NUP153: variants seen among roughly 807,000 people sequenced by gnomAD.
NUP153 encodes the protein nucleoporin 153, also known as nuclear pore complex protein Nup153.
In NUP153, 27 loss-of-function variants were observed where a neutral mutation model predicts 134.6. The observed-to-expected ratio is 0.20, with a 90% CI of 0.15 to 0.28. NUP153 has a LOEUF of 0.28. Ranked by LOEUF, NUP153 falls within the 10% of genes least tolerant of loss-of-function variation. The pLI, the probability that NUP153 is intolerant of heterozygous loss-of-function variation, is 1.00. For synonymous variants in NUP153, 640 were observed against 623.5 expected (o/e 1.03, Z -0.40); for missense variants, 1,821 against 1,731.3 (o/e 1.05, Z -0.92).
intron 1 of NUP153, among the ~76,000 whole-genome samples, chr6:17,691,034 C>CA (rs1174712106): frequency 1.3e-5 from 2 of 152,036 alleles, no homozygotes; most frequent in Non-Finnish European, 2.9e-5. Flanking sequence ...CCCAGCTACT[C>CA]AGGAGGCTGA....
chr6:17,647,286 T>C (rs1310259204), intron 13 of NUP153, among the ~76,000 whole-genome samples: 4 of 152,132 alleles, frequency 2.6e-5, no homozygotes, highest in Admixed American at 6.5e-5. Context: ...TTTTCAATCA[T>C]GAAAGAAAAA....
chr6:17,630,952 A>G lies in NUP153; in HGVS notation c.2660-1413T>C, dbSNP rs554049757. ...AAACAAGGATCATTAAGAAGTACTA[A>G]GATACTTAAAAGTATGGTGATTACC... On this transcript the variant is annotated intron_variant, in intron 17 of 21. Transcript: ENST00000262077. Among the ~76,000 whole-genome samples, 59 of 152,306 alleles carry G rather than the reference A, an allele frequency of 3.9e-4. 2 individuals carry two copies. The South Asian group carries it at 7.5e-3, about 19-fold the overall frequency.
At chr6:17,658,777 A>G (rs771048488) in intron 11 of NUP153, among the ~76,000 whole-genome samples, 17 of 152,176 alleles carry the variant, frequency 1.1e-4, no homozygotes, top group Non-Finnish European at 2.4e-4. Flanking sequence ...TCAGATTGAG[A>G]CATGGGACAA....
chr6:17,675,215 CAGT>C lies in NUP153; in HGVS notation c.723+11_723+13del. ...AAAACTAATGTGATTAAATCCAACCCAGTTAGTACTCACAGGGGAAAGTGTTCC... is the reference window on the plus strand; with the variant it reads ...AAAACTAATGTGATTAAATCCAACCCTAGTACTCACAGGGGAAAGTGTTCC... On this transcript the variant is annotated intron_variant, in intron 4 of 21. Transcript: ENST00000262077. The surrounding 1 kb of genome is among the most constrained non-coding windows in gnomAD (Gnocchi z 4.4). 1 of 1,613,370 alleles carries C rather than the reference CAGT, an allele frequency of 6.2e-7. No homozygotes were observed. The highest frequency in any genetic ancestry group is 8.5e-7 in the Non-Finnish European group (1 of 1,179,788).
intron 11 of NUP153, among the ~76,000 whole-genome samples, chr6:17,657,034 T>A (rs961691199): frequency 1.3e-5 from 2 of 152,208 alleles, no homozygotes; most frequent in African/African-American, 4.8e-5. Flanking sequence ...AGAATACCTG[T>A]TAGCCACTGA....
chr6:17,650,491 G>C (rs1489237268), intron 11 of NUP153, among the ~76,000 whole-genome samples: 1 of 152,156 alleles, frequency 6.6e-6, no homozygotes, highest in African/African-American at 2.4e-5. Flanking sequence ...GCCTACCACA[G>C]GGGAGACAGA....
At chr6:17,686,976 T>G (rs1768973804) in intron 2 of NUP153, among the ~76,000 whole-genome samples, 1 of 151,988 alleles carries the variant, frequency 6.6e-6, no homozygotes, top group African/African-American at 2.4e-5. Flanking sequence ...CATAATAAAG[T>G]TCAGAAGTTA....
intron 13 of NUP153, among the ~76,000 whole-genome samples, chr6:17,646,920 T>C (rs1766221554): frequency 7.0e-6 from 1 of 142,700 alleles, no homozygotes; most frequent in African/African-American, 2.7e-5. Context: ...TGTATTTTCT[T>C]TTTTTTTTTT....
rs1765060362 is a variant in NUP153 at position 17,628,545 on chromosome 6, T to C, written c.3544+110A>G. The C allele has an allele frequency of 1.0e-5, 5 of 497,254 alleles. No homozygotes were observed. The highest frequency in any genetic ancestry group is 1.5e-5 in the Non-Finnish European group (5 of 325,874). 30.8% of individuals were successfully genotyped at this position (497,254 alleles called of 1,614,324 possible). ...CAAAGAGTTCTGTATTTCTCAACTATGTTCAGTGTAAACCATTAATTGACT... is the reference window on the plus strand; with the variant it reads ...CAAAGAGTTCTGTATTTCTCAACTACGTTCAGTGTAAACCATTAATTGACT... On this transcript the variant is annotated intron_variant, in intron 18 of 21. Coordinates refer to ENST00000262077, the MANE Select transcript of NUP153 (RefSeq NM_005124.4). This position sits in a 1 kb window ranked among gnomAD's most constrained non-coding sequence, Gnocchi z 5.4.
At chr6:17,634,949 A>G (rs1005876444) in intron 16 of NUP153, among the ~76,000 whole-genome samples, 1 of 148,346 alleles carries the variant, frequency 6.7e-6, no homozygotes, top group Non-Finnish European at 1.5e-5. Flanking sequence ...CACTAGCAAC[A>G]GCTGATGAGC....
At chr6:17,686,084 G>A (rs999723889) in intron 2 of NUP153, among the ~76,000 whole-genome samples, 1 of 151,910 alleles carries the variant, frequency 6.6e-6, no homozygotes, top group African/African-American at 2.4e-5. Flanking sequence ...GAAGGTTGAG[G>A]TTGCAGTGAG....
intron 14 of NUP153, among the ~76,000 whole-genome samples, chr6:17,641,319 G>A (rs893911092): frequency 3.3e-5 from 5 of 152,058 alleles, no homozygotes; most frequent in Middle Eastern, 3.2e-3. Flanking sequence ...GGCAGATCAC[G>A]AGGTCAAGAG....
At chr6:17,688,828 A>G (rs1769106621) in intron 1 of NUP153, among the ~76,000 whole-genome samples, 1 of 152,170 alleles carries the variant, frequency 6.6e-6, no homozygotes, top group Non-Finnish European at 1.5e-5. Flanking sequence ...ACATAAGGCA[A>G]TAATTGTCCC....
chr6:17,621,165 G>A (rs1047775505), intron 20 of NUP153, among the ~76,000 whole-genome samples: 11 of 152,154 alleles, frequency 7.2e-5, no homozygotes, highest in African/African-American at 2.2e-4. Flanking sequence ...CCACAATGAG[G>A]TAGCATTTCA....
Position 17,688,535 on chromosome 6 carries a change from T to C in NUP153, c.195A>G (p.Val65=), listed in dbSNP as rs759819330. Residue 65 remains valine (V), a synonymous_variant, in exon 2 of 22, where the codon GTA becomes GTG. Transcript: ENST00000262077. The part of the protein sequence containing the change: ...LQRYFNKNED[V]CSCSTDTSEV... ...CGCTTGTGTCTGTTGAACAGCTGCA[T>C]ACATCTTCATTCTTGTTGAAGTATC... 10 of 1,614,028 alleles carry C rather than the reference T, an allele frequency of 6.2e-6. No individual in the cohort carries two copies. The Admixed American group carries it at 8.3e-5, about 13-fold the overall frequency.
At chr6:17,655,389 T>C (rs1766752570) in intron 11 of NUP153, among the ~76,000 whole-genome samples, 1 of 152,010 alleles carries the variant, frequency 6.6e-6, no homozygotes, top group African/African-American at 2.4e-5. Flanking sequence ...ACTAAATCTC[T>C]TCCATGTCAC....
chr6:17,671,361 G>T (rs1767898719), intron 5 of NUP153, among the ~76,000 whole-genome samples: 1 of 152,096 alleles, frequency 6.6e-6, no homozygotes, highest in Non-Finnish European at 1.5e-5. Flanking sequence ...CTATACATAA[G>T]AGTTTGTGTA....
chr6:17,674,683 T>A (rs1365369656), intron 5 of NUP153, among the ~76,000 whole-genome samples: 2 of 152,064 alleles, frequency 1.3e-5, no homozygotes, highest in Non-Finnish European at 2.9e-5. Context: ...GGCAGGAGAA[T>A]CGCTTGAAAC....
intron 11 of NUP153, among the ~76,000 whole-genome samples, chr6:17,652,636 AG>A (rs2113803872): frequency 6.6e-6 from 1 of 152,316 alleles, no homozygotes; most frequent in East Asian, 1.9e-4. Context: ...GAAAATGAGT[AG>A]GCAAGCAACA....
Sources: gnomAD v4.1 joint callset for allele counts (sites outside exome capture counted in the v4.1 genomes callset) on GRCh38, gnomAD v4.1.1 for gene constraint, Gnocchi (gnomAD v3.1) non-coding constraint, MANE v1.5 for transcripts, NCBI Gene and HGNC (gene_info 2026-07-23, HGNC 2026-07-21) for gene names.